Variants in KIAA1328 observed in about 807,000 individuals in gnomAD.
KIAA1328 encodes protein hinderin.
Under a neutral mutation model 68.1 loss-of-function variants are expected in KIAA1328, and 52 were observed. The ratio of observed to expected loss-of-function variants is 0.76; its 90% CI spans 0.61 to 0.96. The LOEUF (loss-of-function observed/expected upper bound fraction) is 0.96. Ranked by LOEUF, KIAA1328 falls within the 40% of genes least tolerant of loss-of-function variation. KIAA1328 has a pLI of 0.00. For missense variants in KIAA1328, 641 were observed against 677.6 expected (o/e 0.95, Z 0.60); for synonymous variants, 232 against 239.4 (o/e 0.97, Z 0.28).
chr18:37,133,062 C>T (rs1238207226), intron 7 of KIAA1328, among the ~76,000 whole-genome samples: 1 of 152,120 alleles, frequency 6.6e-6, no homozygotes, highest in Non-Finnish European at 1.5e-5. Flanking sequence ...TGGCCAGGCG[C>T]GATGACTCAC....
intron 6 of KIAA1328, among the ~76,000 whole-genome samples, chr18:37,033,572 T>C (rs764766341): frequency 1.3e-5 from 2 of 152,218 alleles, no homozygotes; most frequent in African/African-American, 2.4e-5. Flanking sequence ...CCTTGTACTG[T>C]GTGACTTCTG....
chr18:36,879,033 A>T (rs1352962066), intron 4 of KIAA1328, among the ~76,000 whole-genome samples: 1 of 152,076 alleles, frequency 6.6e-6, no homozygotes, highest in Non-Finnish European at 1.5e-5. Flanking sequence ...CGTCAAACTC[A>T]TTCTTTGTCC....
At chr18:37,124,264 G>C (rs368465663) in intron 7 of KIAA1328, among the ~76,000 whole-genome samples, 11 of 152,144 alleles carry the variant, frequency 7.2e-5, no homozygotes, top group African/African-American at 2.7e-4. Context: ...ATTTCAAATA[G>C]ATTTGTACCT....
At chr18:36,992,631 A>T (rs929168353) in intron 6 of KIAA1328, among the ~76,000 whole-genome samples, 2 of 152,088 alleles carry the variant, frequency 1.3e-5, no homozygotes, top group African/African-American at 4.8e-5. Flanking sequence ...ATCAGTATGT[A>T]ATTGAGCATT....
chr18:37,054,064 C>T (rs2055812559), intron 6 of KIAA1328, among the ~76,000 whole-genome samples: 1 of 151,696 alleles, frequency 6.6e-6, no homozygotes, highest in Non-Finnish European at 1.5e-5. Context: ...TGCTCAACAT[C>T]ACCAGTCATC....
chr18:37,213,340 G>A lies in KIAA1328; in HGVS notation c.1524-8677G>A, dbSNP rs891268036. ...CAGGCCCGAGTGTGTGATGTTCCCCGCTCTGTGTCCAAGTGTTCTCATTGT... is the reference window on the plus strand; with the variant it reads ...CAGGCCCGAGTGTGTGATGTTCCCCACTCTGTGTCCAAGTGTTCTCATTGT... On this transcript the variant is annotated intron_variant, in intron 9 of 9. Transcript: ENST00000280020. Among the ~76,000 whole-genome samples, 15 of 152,044 alleles carry A rather than the reference G, an allele frequency of 9.9e-5. 1 individual carries two copies. The highest frequency in any genetic ancestry group is 8.5e-4 in the Admixed American group (13 of 15,266).
chr18:37,092,617 A>G (rs1041262654), intron 7 of KIAA1328, among the ~76,000 whole-genome samples: 1 of 151,830 alleles, frequency 6.6e-6, no homozygotes, highest in Non-Finnish European at 1.5e-5. Context: ...ACCCACCACT[A>G]CTGTCACTCA....
intron 5 of KIAA1328, among the ~76,000 whole-genome samples, chr18:36,911,524 C>T (rs1027704531): frequency 3.9e-5 from 6 of 152,142 alleles, no homozygotes; most frequent in African/African-American, 1.4e-4. Context: ...TAACCTTGTA[C>T]AAAAGCATTC....
At chr18:37,037,418 A>G (rs904949724) in intron 6 of KIAA1328, among the ~76,000 whole-genome samples, 5 of 152,142 alleles carry the variant, frequency 3.3e-5, no homozygotes, top group Non-Finnish European at 7.4e-5. Context: ...TATTGTCTTT[A>G]TACCACTTAC....
chr18:37,061,458 G>A (rs1408594247), intron 6 of KIAA1328, among the ~76,000 whole-genome samples: 1 of 152,132 alleles, frequency 6.6e-6, no homozygotes, highest in Admixed American at 6.6e-5. Context: ...GTACACTGAA[G>A]ATCTTTGCGT....
At chr18:36,931,368 AC>A (rs1039562755) in intron 5 of KIAA1328, among the ~76,000 whole-genome samples, 1 of 151,814 alleles carries the variant, frequency 6.6e-6, no homozygotes, top group Non-Finnish European at 1.5e-5. Context: ...AGGAGTGCAA[AC>A]CCTATTGTGA....
intron 9 of KIAA1328, among the ~76,000 whole-genome samples, chr18:37,198,815 G>T (rs1212887858): frequency 6.6e-6 from 1 of 152,082 alleles, no homozygotes; most frequent in Non-Finnish European, 1.5e-5. Context: ...ATCTGTTTAG[G>T]GTAAATAGTG....
chr18:36,915,052 A>C (rs996772784), intron 5 of KIAA1328, among the ~76,000 whole-genome samples: 1 of 152,224 alleles, frequency 6.6e-6, no homozygotes, highest in East Asian at 1.9e-4. Flanking sequence ...TAAAATCTTT[A>C]TGGAAAGTTA....
chr18:37,055,041 G>A (rs189656756), intron 6 of KIAA1328, among the ~76,000 whole-genome samples: 222 of 152,104 alleles, frequency 1.5e-3, no homozygotes, highest in South Asian at 2.7e-3. Flanking sequence ...TTCCTAAATT[G>A]TGCTGCAATC....
At chr18:37,005,176 C>T (rs1404236970) in intron 6 of KIAA1328, among the ~76,000 whole-genome samples, 1 of 151,898 alleles carries the variant, frequency 6.6e-6, no homozygotes, top group Admixed American at 6.6e-5. Context: ...TCTCACAAAT[C>T]ACCACTAAAG....
At chr18:36,981,873 A>G (rs1439498350) in intron 6 of KIAA1328, among the ~76,000 whole-genome samples, 1 of 151,316 alleles carries the variant, frequency 6.6e-6, no homozygotes, top group Non-Finnish European at 1.5e-5. Flanking sequence ...GATTATAGGC[A>G]TGAGCCACCA....
chr18:37,225,847 G>A (rs55977264), downstream of KIAA1328, among the ~76,000 whole-genome samples: 9 of 152,076 alleles, frequency 5.9e-5, no homozygotes, highest in Non-Finnish European at 7.3e-5. Flanking sequence ...ACCTGAATAC[G>A]GAGACTTCGC....
intron 6 of KIAA1328, among the ~76,000 whole-genome samples, chr18:37,033,040 C>T (rs906951626): frequency 3.9e-5 from 6 of 152,146 alleles, no homozygotes; most frequent in African/African-American, 1.4e-4. Flanking sequence ...TCTTTCTTCA[C>T]TAGTTTTTAG....
At chr18:36,829,503 T>G in intron 1 of KIAA1328, 1 of 1,134,986 alleles carries the variant, frequency 8.8e-7, no homozygotes. Flanking sequence ...CCCTCCGAGG[T>G]CCCTCTGCCC....
Sources: gnomAD v4.1 joint callset for allele counts (sites outside exome capture counted in the v4.1 genomes callset) on GRCh38, gnomAD v4.1.1 for gene constraint, MANE v1.5 for transcripts, NCBI Gene and HGNC (gene_info 2026-07-23, HGNC 2026-07-21) for gene names.